The following MEIOSIN variants were observed in gnomAD, a reference collection of about 807,000 sequenced individuals.
MEIOSIN encodes meiosis initiator.
A neutral mutation model predicts 23.4 loss-of-function variants in MEIOSIN; 18 were observed. The observed-to-expected ratio is 0.77, with a 90% CI of 0.53 to 1.14. The LOEUF is 1.14. Ranked by LOEUF, MEIOSIN falls within the 50% of genes most tolerant of loss-of-function variation. MEIOSIN has a pLI of 0.00. For synonymous variants in MEIOSIN, 187 were observed against 100.6 expected (o/e 1.86, Z -5.14); for missense variants, 428 against 242.9 (o/e 1.76, Z -5.07).
At chr19:45,753,519 T>C (rs961489515) in intron 5 of MEIOSIN, 132 bp from the exon 6 acceptor site, 1 of 587,972 alleles carries the variant, frequency 1.7e-6, no homozygotes, top group Non-Finnish European at 3.0e-6. Flanking sequence ...AAGCCCTCAG[T>C]TTCCACACTG....
intron 4 of MEIOSIN, among the ~76,000 whole-genome samples, chr19:45,747,007 T>C (rs1295430025): frequency 6.6e-6 from 1 of 152,134 alleles, no homozygotes; most frequent in Non-Finnish European, 1.5e-5. Context: ...GTTTTTGGCA[T>C]GCATAGGTGC....
intron 3 of MEIOSIN, among the ~76,000 whole-genome samples, chr19:45,740,468 A>T (rs1301308844): frequency 6.6e-6 from 1 of 152,052 alleles, no homozygotes; most frequent in Non-Finnish European, 1.5e-5. Flanking sequence ...AAACAAATGA[A>T]GGCCGGGCAC....
rs1968956344 is a variant in MEIOSIN at position 45,762,067 on chromosome 19, C to T, written c.1563C>T (p.Ala521=). The stretch of plus-strand genomic sequence containing the variant: ...AAAAGGCCACGAAGGGCCAAGTAGC[C>T]AGGGCCCCTGTGAAGCCCAAGGAGA... ...AEKKATKGQV[A]RAPVKPKEKK... is the part of the protein sequence containing the mutation. The change falls in exon 13 of 15, where the codon GCC becomes GCT. Residue 521 remains alanine, a synonymous_variant. Coordinates refer to ENST00000457052, the MANE Select transcript of MEIOSIN (RefSeq NM_001310124.2). 2.1e-6 allele frequency: 1 copy of T among 474,628 alleles called. No homozygotes were observed. The highest frequency in any genetic ancestry group is 3.7e-6 in the Non-Finnish European group (1 of 269,160). The allele number at this position is 474,628 out of a possible 1,614,324, so 29.4% of individuals were successfully genotyped here.
chr19:45,743,839 T>C (rs976713529), intron 3 of MEIOSIN, among the ~76,000 whole-genome samples: 16 of 151,510 alleles, frequency 1.1e-4, no homozygotes, highest in African/African-American at 3.9e-4. Flanking sequence ...TATTTTTTCA[T>C]AAAGGCGAGG....
At chr19:45,738,010 C>T (rs1437465008) in intron 2 of MEIOSIN, among the ~76,000 whole-genome samples, 3 of 152,070 alleles carry the variant, frequency 2.0e-5, no homozygotes, top group Non-Finnish European at 1.5e-5. Flanking sequence ...CCTGCCTCAG[C>T]CTCCAAAAGT....
chr19:45,760,740 C>A (rs2146199691), intron 11 of MEIOSIN, among the ~76,000 whole-genome samples: 2 of 151,948 alleles, frequency 1.3e-5, no homozygotes, highest in East Asian at 1.9e-4. Flanking sequence ...CCTAGCTTGA[C>A]CAATATGATG....
At chr19:45,752,389 T>A (rs1173796004) in intron 5 of MEIOSIN, among the ~76,000 whole-genome samples, 1 of 152,050 alleles carries the variant, frequency 6.6e-6, no homozygotes, top group Non-Finnish European at 1.5e-5. Context: ...CTAATTTTTA[T>A]ATTTTTAGTA....
chr19:45,753,814 C>T (rs1235094434), intron 6 of MEIOSIN, 26 bp downstream of exon 6: 3 of 694,330 alleles, frequency 4.3e-6, no homozygotes, highest in Non-Finnish European at 7.9e-6. Context: ...GGAGGCAGAA[C>T]TAGAAGCCCA....
At chr19:45,763,824 C>G (rs980243484) in intron 14 of MEIOSIN, 147 bp from the exon 15 acceptor site, 4 of 397,476 alleles carry the variant, frequency 1.0e-5, no homozygotes, top group African/African-American at 8.2e-5. Flanking sequence ...TCCCATCTTA[C>G]TGACTGGGAC....
chr19:45,758,304 T>C (rs140104320), intron 9 of MEIOSIN, among the ~76,000 whole-genome samples: 6 of 152,278 alleles, frequency 3.9e-5, no homozygotes, highest in African/African-American at 9.6e-5. Flanking sequence ...TCAGAATCTT[T>C]CTTGTTGCAG....
Position 45,738,938 on chromosome 19 carries a change from A to G in MEIOSIN, c.72-688A>G, listed in dbSNP as rs865871566. Among the ~76,000 whole-genome samples the G allele has an allele frequency of 5.3e-5, 8 of 152,308 alleles. No homozygotes were observed. The Middle Eastern group carries it at 0.01, about 194-fold the overall frequency. On this transcript the variant is annotated intron_variant, in intron 2 of 14. Coordinates refer to ENST00000457052, the MANE Select transcript of MEIOSIN (RefSeq NM_001310124.2). Reference sequence around the variant, plus strand: ...GGTCCTTGTATTGATAAAGACTGTTAGTTGCGAAGAACAGAAACCTAGCAA... The same window carrying G: ...GGTCCTTGTATTGATAAAGACTGTTGGTTGCGAAGAACAGAAACCTAGCAA...
At chr19:45,744,296 A>C (rs1349205441) in intron 3 of MEIOSIN, among the ~76,000 whole-genome samples, 1 of 152,142 alleles carries the variant, frequency 6.6e-6, no homozygotes, top group Admixed American at 6.6e-5. Flanking sequence ...CTGGGATGAC[A>C]GGTGTGAGCC....
At chr19:45,751,313 T>TAA (rs1228365499) in intron 5 of MEIOSIN, among the ~76,000 whole-genome samples, 164 of 95,600 alleles carry the variant, frequency 1.7e-3, no homozygotes, top group Non-Finnish European at 3.0e-3. Context: ...AATAATAATA[T>TAA]ATACATAAAA....
rs1600395081 is a variant in MEIOSIN, at chr19:45,764,209, T to G, written c.*91T>G. Reference sequence around the variant, plus strand: ...GACCCATCGATGAACTTGTCCCTCCTGGGCCTCCAGCCCCTGAGAATGCAG... The same window carrying G: ...GACCCATCGATGAACTTGTCCCTCCGGGGCCTCCAGCCCCTGAGAATGCAG... On this transcript the variant is annotated 3_prime_UTR_variant, in exon 15 of 15. Transcript: ENST00000457052. 1 of 398,232 alleles carries G rather than the reference T, an allele frequency of 2.5e-6. No individual in the cohort carries two copies. Among genetic ancestry groups the G allele is most frequent in the Non-Finnish European group, 4.4e-6 (1 of 225,924 alleles). 24.7% of individuals were successfully genotyped at this position (398,232 alleles called of 1,614,324 possible).
chr19:45,734,539 T>G (rs1968378220), intron 1 of MEIOSIN, among the ~76,000 whole-genome samples: 1 of 151,738 alleles, frequency 6.6e-6, no homozygotes, highest in Non-Finnish European at 1.5e-5. Context: ...GGTCTCACTT[T>G]GTCATCCAGG....
intron 1 of MEIOSIN, among the ~76,000 whole-genome samples, chr19:45,734,168 T>C (rs575382110): frequency 3.3e-5 from 5 of 152,234 alleles, no homozygotes; most frequent in Admixed American, 3.3e-4. Flanking sequence ...TTTGAGTCTT[T>C]AGAAGCACGT....
chr19:45,754,623 C>T lies in MEIOSIN; in HGVS notation c.701C>T (p.Pro234Leu), dbSNP rs1410019896. The T allele has an allele frequency of 8.5e-6, 6 of 703,064 alleles. No homozygotes were observed. The highest frequency in any genetic ancestry group is 7.4e-5 in the South Asian group (5 of 67,604). 43.6% of individuals were successfully genotyped at this position (703,064 alleles called of 1,614,324 possible). The change falls in exon 7 of 15, where the codon CCG becomes CTG. Residue 234 changes from proline (P) to leucine (L), a missense_variant. Coordinates refer to ENST00000457052, the MANE Select transcript of MEIOSIN (RefSeq NM_001310124.2). Reference sequence around the variant, plus strand: ...AGGTGCCCTGACTCCTGCGGTCACCCGAGGCCTGCATCATCCTCACCTCCA... The same window carrying T: ...AGGTGCCCTGACTCCTGCGGTCACCTGAGGCCTGCATCATCCTCACCTCCA... ...PPRCPDSCGH[P>L]RPASSSPPGD...
intron 2 of MEIOSIN, among the ~76,000 whole-genome samples, chr19:45,737,517 G>C (rs2146172338): frequency 6.6e-6 from 1 of 151,926 alleles, no homozygotes; most frequent in African/African-American, 2.4e-5. Flanking sequence ...CCAGGCTGGA[G>C]TGCAGTGACA....
At chr19:45,748,425 C>G (rs1177215470) in intron 4 of MEIOSIN, among the ~76,000 whole-genome samples, 1 of 152,140 alleles carries the variant, frequency 6.6e-6, no homozygotes, top group Non-Finnish European at 1.5e-5. Context: ...TATCTCACTC[C>G]AAAGGCTCTT....
Sources: gnomAD v4.1 joint callset for allele counts (sites outside exome capture counted in the v4.1 genomes callset) on GRCh38, gnomAD v4.1.1 for gene constraint, MANE v1.5 for transcripts, NCBI Gene and HGNC (gene_info 2026-07-23, HGNC 2026-07-21) for gene names.